The following MYO3A variants were observed in gnomAD, a reference collection of about 807,000 sequenced individuals.
MYO3A encodes myosin IIIA.
Under a neutral mutation model 192.7 loss-of-function variants are expected in MYO3A, and 180 were observed. That is an observed-to-expected ratio of 0.93 (90% CI 0.83 to 1.06). The LOEUF (loss-of-function observed/expected upper bound fraction) is 1.06. MYO3A is among the 50% of genes least tolerant of loss of function. MYO3A has a pLI of 0.00. For synonymous variants in MYO3A, 628 were observed against 645.3 expected (o/e 0.97, Z 0.41); for missense variants, 1,896 against 1,905.0 (o/e 1.00, Z 0.09).
At position 26,162,306 on chromosome 10, in the gene MYO3A, A is replaced by C. The variant is rs540392328; in HGVS notation, c.3000-3761A>C. Among the ~76,000 whole-genome samples, 6 of 152,382 alleles carry C rather than the reference A, an allele frequency of 3.9e-5. No individual in the cohort carries two copies. The South Asian group carries it at 1.0e-3, about 26-fold the overall frequency. ...AAATTCTGATAAAGCAGAGAATAAT[A>C]AAAGTAATACATAAAACACAGCAAA... On this transcript the variant is annotated intron_variant, in intron 26 of 34. Transcript: ENST00000642920.
chr10:26,005,823 G>C (rs1042071546), intron 6 of MYO3A, among the ~76,000 whole-genome samples: 1 of 152,040 alleles, frequency 6.6e-6, no homozygotes, highest in African/African-American at 2.4e-5. Flanking sequence ...AGCTGGCAGA[G>C]TTTTCAAATG....
intron 31 of MYO3A, among the ~76,000 whole-genome samples, 168 bp from the exon 32 acceptor site, chr10:26,193,037 C>T (rs1240808299): frequency 6.6e-6 from 1 of 152,240 alleles, no homozygotes; most frequent in East Asian, 1.9e-4. Flanking sequence ...GAGGAAAGCA[C>T]ATGGTGAGGA....
intron 4 of MYO3A, among the ~76,000 whole-genome samples, chr10:25,983,068 A>T (rs529206266): frequency 6.6e-6 from 1 of 151,886 alleles, no homozygotes; most frequent in Non-Finnish European, 1.5e-5. Context: ...TGAAAGGAAA[A>T]TTCTTCAGTG....
At chr10:26,081,133 T>TCCCCCCCCCTTCCCCCCCCCCCC (rs1835907338) in intron 14 of MYO3A, among the ~76,000 whole-genome samples, 25 of 84,934 alleles carry the variant, frequency 2.9e-4, no homozygotes, top group African/African-American at 9.7e-4. Flanking sequence ...TATATGCCCT[T>TCCCCCCCCCTTCCCCCCCCCCCC]CCCCCCCCCC....
chr10:26,019,328 G>A (rs11814982), intron 7 of MYO3A, among the ~76,000 whole-genome samples: 3,852 of 151,704 alleles, frequency 0.025, 189 homozygotes, highest in African/African-American at 0.087. Flanking sequence ...GCGCAATCTC[G>A]GCTCACTGCA....
rs146647767 is a variant in MYO3A, at chr10:26,157,489, G to C, written c.2973G>C (p.Arg991=). Residue 991 remains arginine, a synonymous_variant, in exon 26 of 35, where the codon CGG becomes CGC. Transcript: ENST00000642920. ...ARIRRLGFSH[R]ILFANFIKRY... The stretch of plus-strand genomic sequence containing the variant: ...TTCGAAGACTAGGATTCTCCCATCG[G>C]ATACTTTTTGCTAACTTTATAAAGC... The C allele has an allele frequency of 3.1e-5, 50 of 1,613,932 alleles. 1 individual carries two copies. In the South Asian group the frequency reaches 5.4e-4, roughly 17 times the overall value.
chr10:25,952,247 A>G lies in MYO3A; in HGVS notation c.137A>G (p.Lys46Arg). The G allele has an allele frequency of 1.2e-6, 2 of 1,612,658 alleles. No individual in the cohort carries two copies. Among genetic ancestry groups the G allele is most frequent in the South Asian group, 1.1e-5 (1 of 91,034 alleles). The stretch of plus-strand genomic sequence containing the variant: ...GTATTGAATAAGAAAAATGGCCAAA[A>G]AGCAGCAGTCAAAATTCTTGATCCA... ...FKVLNKKNGQ[K>R]AAVKILDPIH... Residue 46 changes from lysine (K) to arginine (R), a missense_variant, in exon 3 of 35, where the codon AAA becomes AGA. Coordinates refer to ENST00000642920, the MANE Select transcript of MYO3A (RefSeq NM_017433.5).
chr10:25,964,027 A>G (rs1749933192), intron 4 of MYO3A, among the ~76,000 whole-genome samples: 1 of 152,172 alleles, frequency 6.6e-6, no homozygotes, highest in Non-Finnish European at 1.5e-5. Flanking sequence ...TTTATTGTAC[A>G]CATTAAAATA....
chr10:26,093,267 T>C (rs952681732), intron 15 of MYO3A, among the ~76,000 whole-genome samples: 1 of 152,214 alleles, frequency 6.6e-6, no homozygotes. Context: ...ACTTAACTGA[T>C]ACAATGTACA....
At chr10:26,054,539 A>G (rs545449783) in intron 10 of MYO3A, among the ~76,000 whole-genome samples, 7 of 152,296 alleles carry the variant, frequency 4.6e-5, no homozygotes, top group East Asian at 1.9e-4. Context: ...CCTAGGTCCA[A>G]TCCCTGGGAT....
At position 26,125,600 on chromosome 10, in the gene MYO3A, A is replaced by G. The variant is rs780105574; in HGVS notation, c.2106A>G (p.Ser702=). 2 of 1,613,910 alleles carry G rather than the reference A, an allele frequency of 1.2e-6. No homozygotes were observed. Among genetic ancestry groups the G allele is most frequent in the Non-Finnish European group, 1.7e-6 (2 of 1,179,804 alleles). ...NCINSLLKHD[S]SPSGNGDELS... The stretch of plus-strand genomic sequence containing the variant: ...TTAACAGTTTGTTGAAGCATGACTC[A>G]TCACCAAGGTAAAAATTTTTACAGA... Residue 702 remains serine (S), a synonymous_variant, in exon 19 of 35, where the codon TCA becomes TCG. Transcript: ENST00000642920.
chr10:26,106,510 G>A (rs1261851242), intron 17 of MYO3A, among the ~76,000 whole-genome samples: 1 of 151,924 alleles, frequency 6.6e-6, no homozygotes, highest in African/African-American at 2.4e-5. Flanking sequence ...TCTTGTTTGT[G>A]CTTAGATCAT....
chr10:26,108,377 A>G (rs1837958223), intron 17 of MYO3A, among the ~76,000 whole-genome samples: 1 of 152,242 alleles, frequency 6.6e-6, no homozygotes, highest in Non-Finnish European at 1.5e-5. Flanking sequence ...CTCTAGTAAG[A>G]GCTTAAGCTA....
chr10:26,178,961 C>T (rs570867951), intron 31 of MYO3A, among the ~76,000 whole-genome samples: 9 of 151,888 alleles, frequency 5.9e-5, no homozygotes, highest in Admixed American at 1.3e-4. Context: ...GCCACCACGC[C>T]GGGCTAATTT....
At chr10:26,088,865 T>TCTAATCAAC (rs1449785734) in intron 15 of MYO3A, among the ~76,000 whole-genome samples, 1 of 152,228 alleles carries the variant, frequency 6.6e-6, no homozygotes, top group Non-Finnish European at 1.5e-5. Context: ...ATATTGACCT[T>TCTAATCAAC]TTATTGCTGG....
At chr10:25,935,070 C>G (rs918026438) in intron 1 of MYO3A, among the ~76,000 whole-genome samples, 13 of 152,072 alleles carry the variant, frequency 8.5e-5, no homozygotes, top group Admixed American at 2.6e-4. Flanking sequence ...TGGGTCGGCC[C>G]GTCCCTGAGG....
chr10:26,152,329 C>A (rs1448682963), intron 23 of MYO3A, among the ~76,000 whole-genome samples: 1 of 152,192 alleles, frequency 6.6e-6, no homozygotes, highest in Non-Finnish European at 1.5e-5. Flanking sequence ...AATAACAACA[C>A]AATAAGGAGG....
intron 32 of MYO3A, among the ~76,000 whole-genome samples, chr10:26,199,658 A>G (rs949319235): frequency 1.3e-5 from 2 of 152,180 alleles, no homozygotes; most frequent in Non-Finnish European, 2.9e-5. Flanking sequence ...AATTCGTGTA[A>G]CTGAGAACCA....
intron 18 of MYO3A, 82 bp downstream of exon 18, chr10:26,120,884 A>C: frequency 6.5e-7 from 1 of 1,540,680 alleles, no homozygotes; most frequent in Non-Finnish European, 8.9e-7. Context: ...GGACCATTTC[A>C]AGCAATTGTG....
Sources: allele counts gnomAD v4.1 joint callset (sites outside exome capture counted in the v4.1 genomes callset), GRCh38; gene constraint gnomAD v4.1.1; transcripts MANE v1.5; gene names NCBI Gene and HGNC (gene_info 2026-07-23, HGNC 2026-07-21).